Variants in SPTBN1 observed in about 807,000 individuals in gnomAD.
SPTBN1 encodes the protein spectrin beta, non-erythrocytic 1, also known as spectrin beta chain, non-erythrocytic 1.
SPTBN1 carries 32 observed loss-of-function variants against 266.4 expected under a neutral mutation model. That is an observed-to-expected ratio of 0.12 (90% CI 0.09 to 0.16). The LOEUF (loss-of-function observed/expected upper bound fraction) is 0.16, where lower values mean the gene tolerates loss of function less well. SPTBN1 is among the 10% of genes least tolerant of loss of function. The pLI is 1.00. For missense variants in SPTBN1, 2,296 were observed against 3,067.1 expected, an observed-to-expected ratio of 0.75 and a Z score of 5.94; for synonymous variants, 1,336 against 1,162.2, an observed-to-expected ratio of 1.15 and a Z score of -3.04.
intron 2 of SPTBN1, among the ~76,000 whole-genome samples, chr2:54,553,133 C>T (rs1416728390): frequency 6.6e-6 from 1 of 152,040 alleles, no homozygotes; most frequent in Non-Finnish European, 1.5e-5. Context: ...TTGTGGTATG[C>T]TTGGTTAGTT....
chr2:54,606,079 T>A (rs552968987), intron 3 of SPTBN1, among the ~76,000 whole-genome samples: 1 of 152,218 alleles, frequency 6.6e-6, no homozygotes, highest in Non-Finnish European at 1.5e-5. Context: ...GTGGAATGTC[T>A]CATACATGTT....
intron 2 of SPTBN1, among the ~76,000 whole-genome samples, chr2:54,585,830 A>G (rs1476014039): frequency 6.6e-6 from 1 of 152,160 alleles, no homozygotes; most frequent in Non-Finnish European, 1.5e-5. Context: ...TTATGGCTGA[A>G]TGTTGGGTAT....
chr2:54,647,377 A>G (rs1377604998), intron 24 of SPTBN1, 116 bp downstream of exon 24: 2 of 1,396,658 alleles, frequency 1.4e-6, no homozygotes, highest in Non-Finnish European at 1.9e-6. Context: ...TGGTAAGGCA[A>G]ATCTTTGAGA....
intron 3 of SPTBN1, among the ~76,000 whole-genome samples, chr2:54,608,845 AAC>A (rs1364116706): frequency 4.6e-5 from 7 of 152,172 alleles, no homozygotes; most frequent in African/African-American, 1.4e-4. Context: ...CAATAATATA[AAC>A]AGTCAATTAA....
chr2:54,624,054 C>T (rs1285047129), intron 10 of SPTBN1, among the ~76,000 whole-genome samples: 3 of 152,202 alleles, frequency 2.0e-5, no homozygotes, highest in Non-Finnish European at 4.4e-5. Flanking sequence ...AAATTCACAG[C>T]AGGCATTATT....
At chr2:54,598,340 A>G (rs1676242442) in intron 2 of SPTBN1, among the ~76,000 whole-genome samples, 1 of 152,170 alleles carries the variant, frequency 6.6e-6, no homozygotes, top group Non-Finnish European at 1.5e-5. Context: ...TATAGAAGAG[A>G]ACATTGAATC....
intron 1 of SPTBN1, among the ~76,000 whole-genome samples, chr2:54,517,778 T>C (rs1322336336): frequency 6.6e-6 from 1 of 152,012 alleles, no homozygotes; most frequent in Non-Finnish European, 1.5e-5. Flanking sequence ...CCTGAGTAGC[T>C]GGGATTATAG....
chr2:54,664,676 A>G lies in SPTBN1; in HGVS notation c.6644A>G (p.Lys2215Arg), dbSNP rs763825326. ...AAACACGAGTGGGAGGCCCACAATAAGAAAGCCTCAAGCAGGTAACAGCAG... is the reference window on the plus strand; with the variant it reads ...AAACACGAGTGGGAGGCCCACAATAGGAAAGCCTCAAGCAGGTAACAGCAG... ...NRKHEWEAHN[K>R]KASSRSWHNV... The change falls in exon 33 of 36, where the codon AAG becomes AGG. Residue 2215 changes from lysine (K) to arginine (R), a missense_variant. Physicochemically the swap from Lys to Arg is conservative, Grantham distance 26. Around this residue, in one of 12 missense-constraint regions of SPTBN1, gnomAD observed 347 missense variants for 368.5 expected, o/e 0.94. Transcript: ENST00000356805. This position sits in a 1 kb window ranked among gnomAD's most constrained non-coding sequence, Gnocchi z 5.6. 60 of 1,614,014 alleles carry G rather than the reference A, an allele frequency of 3.7e-5. No homozygotes were observed. Among genetic ancestry groups the G allele is most frequent in the Non-Finnish European group, 5.0e-5 (59 of 1,179,998 alleles).
At chr2:54,570,309 A>G (rs1673969237) in intron 2 of SPTBN1, among the ~76,000 whole-genome samples, 1 of 152,234 alleles carries the variant, frequency 6.6e-6, no homozygotes, top group African/African-American at 2.4e-5. Flanking sequence ...TCACAGTAGC[A>G]TGGAGACACA....
intron 2 of SPTBN1, among the ~76,000 whole-genome samples, chr2:54,566,829 T>A (rs1673696569): frequency 6.6e-6 from 1 of 150,776 alleles, no homozygotes; most frequent in Non-Finnish European, 1.5e-5. Context: ...AGACTCCATC[T>A]CAAAAAAAAA....
intron 2 of SPTBN1, among the ~76,000 whole-genome samples, chr2:54,536,616 T>C (rs767094430): frequency 7.9e-5 from 12 of 152,252 alleles, no homozygotes; most frequent in Non-Finnish European, 5.9e-5. Context: ...TGTCTAATGA[T>C]TGACTTCTGA....
In SPTBN1 at chr2:54,510,456, C is replaced by T. The variant is rs546070236; in HGVS notation, c.-47-15916C>T. Among the ~76,000 whole-genome samples the T allele has an allele frequency of 1.1e-3, 160 of 152,326 alleles. 2 individuals are homozygous for T. The highest frequency in any genetic ancestry group is 2.1e-3 in the South Asian group (10 of 4,826). Reference sequence around the variant, plus strand: ...ACTAAAAATCCAGCTACTGCTGGTGCCCAGCCCCTGATACTTCTCTCTGTG... The same window carrying T: ...ACTAAAAATCCAGCTACTGCTGGTGTCCAGCCCCTGATACTTCTCTCTGTG... On this transcript the variant is annotated intron_variant, in intron 1 of 35. Coordinates refer to ENST00000356805, the MANE Select transcript of SPTBN1 (RefSeq NM_003128.3).
At chr2:54,589,175 G>A (rs1415237481) in intron 2 of SPTBN1, among the ~76,000 whole-genome samples, 1 of 152,206 alleles carries the variant, frequency 6.6e-6, no homozygotes, top group Admixed American at 6.5e-5. Context: ...AGAAGAGGTA[G>A]TTGTGTTGCT....
intron 2 of SPTBN1, among the ~76,000 whole-genome samples, chr2:54,565,600 T>C: frequency 6.6e-6 from 1 of 152,236 alleles, no homozygotes; most frequent in East Asian, 1.9e-4. Context: ...AAGGTTAGTT[T>C]CACTTATATT....
In SPTBN1 at chr2:54,649,707, C is replaced by T. The variant is rs2104102705; in HGVS notation, c.5295C>T (p.Leu1765=). ...CGGTCAATCACCTGGCAGATGAGCT[C>T]ATCAACTCTGGACATTCAGATGCCG... ...VDTVNHLADE[L]INSGHSDAAT... The change falls in exon 26 of 36, where the codon CTC becomes CTT. Residue 1765 remains leucine, a synonymous_variant. Coordinates refer to ENST00000356805, the MANE Select transcript of SPTBN1 (RefSeq NM_003128.3). This position sits in a 1 kb window ranked among gnomAD's most constrained non-coding sequence, Gnocchi z 6.7. 2.5e-6 allele frequency: 4 copies of T among 1,614,170 alleles called. No homozygotes were observed. Among genetic ancestry groups the T allele is most frequent in the Non-Finnish European group, 2.5e-6 (3 of 1,180,034 alleles).
chr2:54,467,173 G>T (rs145631837), intron 1 of SPTBN1, among the ~76,000 whole-genome samples: 1 of 151,236 alleles, frequency 6.6e-6, no homozygotes, highest in African/African-American at 2.4e-5. Context: ...ATGTTGAAGG[G>T]CTGTACATTT....
intron 1 of SPTBN1, among the ~76,000 whole-genome samples, chr2:54,473,075 T>A (rs1227107987): frequency 6.6e-6 from 1 of 152,232 alleles, no homozygotes; most frequent in Admixed American, 6.5e-5. Flanking sequence ...TTTGTTTCTT[T>A]TGTTTCACTG....
At chr2:54,477,311 C>T (rs1667884261) in intron 1 of SPTBN1, among the ~76,000 whole-genome samples, 1 of 152,004 alleles carries the variant, frequency 6.6e-6, no homozygotes, top group Non-Finnish European at 1.5e-5. Flanking sequence ...GAGCAGCCTC[C>T]CCAACCCCCG....
chr2:54,482,708 T>C (rs1668160965), intron 1 of SPTBN1, among the ~76,000 whole-genome samples: 1 of 152,162 alleles, frequency 6.6e-6, no homozygotes, highest in South Asian at 2.1e-4. Context: ...TGTTGGATAG[T>C]ATAGATATAG....
Sources: allele counts gnomAD v4.1 joint callset (sites outside exome capture counted in the v4.1 genomes callset), GRCh38; gene constraint gnomAD v4.1.1; regional missense constraint gnomAD v4.1.1; non-coding constraint Gnocchi (gnomAD v3.1); transcripts MANE v1.5; gene names NCBI Gene and HGNC (gene_info 2026-07-23, HGNC 2026-07-21).